The following ERBB4 variants were observed in gnomAD, a reference collection of about 807,000 sequenced individuals.
ERBB4 encodes erb-b2 receptor tyrosine kinase 4, also known as receptor tyrosine-protein kinase erbB-4.
ERBB4 carries 42 observed loss-of-function variants against 158.0 expected under a neutral mutation model. That is an observed-to-expected ratio of 0.27 (90% CI 0.21 to 0.34). ERBB4 has a LOEUF of 0.34. Among genes scored for constraint, ERBB4 ranks in the 10% least tolerant of loss-of-function variants. The pLI, the probability that ERBB4 is intolerant of heterozygous loss-of-function variation, is 1.00. For missense variants in ERBB4, 1,333 were observed against 1,624.1 expected, an observed-to-expected ratio of 0.82 and a Z score of 3.08; for synonymous variants, 583 against 558.7, an observed-to-expected ratio of 1.04 and a Z score of -0.61.
chr2:211,416,679 T>C (rs996020455), intron 25 of ERBB4, among the ~76,000 whole-genome samples: 1 of 152,232 alleles, frequency 6.6e-6, no homozygotes, highest in Admixed American at 6.5e-5. Context: ...GCTTTCCTAA[T>C]TTTTGTCCTT....
Position 212,312,541 on chromosome 2 carries a change from A to G in ERBB4, c.83-187638T>C, listed in dbSNP as rs77947825. On this transcript the variant is annotated intron_variant, in intron 1 of 27. Transcript: ENST00000342788. ...TTGGCAAGTACTCTTTCCAAATTAC[A>G]TAAGAATCAATTGTCAAATTAAAAA... Among the ~76,000 whole-genome samples the G allele has an allele frequency of 4.9e-3, 743 of 151,158 alleles. 4 individuals carry two copies. Among genetic ancestry groups the G allele is most frequent in the African/African-American group, 0.016 (660 of 41,414 alleles).
At chr2:211,437,001 T>C (rs1000004323) in intron 20 of ERBB4, among the ~76,000 whole-genome samples, 13 of 152,294 alleles carry the variant, frequency 8.5e-5, no homozygotes, top group African/African-American at 3.1e-4. Flanking sequence ...TATGGGTTAA[T>C]AAAATAGATT....
intron 1 of ERBB4, among the ~76,000 whole-genome samples, chr2:212,493,919 T>C (rs1414035727): frequency 6.6e-6 from 1 of 151,820 alleles, no homozygotes; most frequent in Non-Finnish European, 1.5e-5. Context: ...ATGAGTATTA[T>C]TAGAATATAC....
intron 3 of ERBB4, among the ~76,000 whole-genome samples, chr2:211,861,058 TATAA>T (rs1317684925): frequency 0.17 from 9,622 of 56,976 alleles, 2,235 homozygotes; most frequent in Non-Finnish European, 0.24. Flanking sequence ...TTTATATATA[TATAA>T]ATATAATATA....
At chr2:212,181,648 T>A (rs1017576548) in intron 1 of ERBB4, among the ~76,000 whole-genome samples, 3 of 151,790 alleles carry the variant, frequency 2.0e-5, no homozygotes, top group Non-Finnish European at 4.4e-5. Context: ...CTGACAATTA[T>A]GTCATATAAA....
chr2:211,814,446 A>G (rs554017480), intron 3 of ERBB4, among the ~76,000 whole-genome samples: 21 of 152,260 alleles, frequency 1.4e-4, no homozygotes, highest in African/African-American at 4.6e-4. Context: ...TTAAATTAAA[A>G]CTCTAATATT....
chr2:212,322,681 G>A (rs1444940033), intron 1 of ERBB4, among the ~76,000 whole-genome samples: 3 of 150,110 alleles, frequency 2.0e-5, no homozygotes, highest in Non-Finnish European at 3.0e-5. Context: ...AAATTAATAT[G>A]CCTAGATTAC....
At chr2:211,946,967 A>C (rs1260776870) in intron 3 of ERBB4, among the ~76,000 whole-genome samples, 1 of 152,128 alleles carries the variant, frequency 6.6e-6, no homozygotes, top group Admixed American at 6.6e-5. Context: ...GCTACTGAAT[A>C]AGAGAAATCA....
chr2:212,315,272 A>T (rs971262290), intron 1 of ERBB4, among the ~76,000 whole-genome samples: 2 of 151,382 alleles, frequency 1.3e-5, no homozygotes, highest in Admixed American at 1.3e-4. Flanking sequence ...CATCATTTTG[A>T]GTATCCGGGC....
chr2:211,922,188 G>A (rs896169829), intron 3 of ERBB4, among the ~76,000 whole-genome samples: 3 of 152,084 alleles, frequency 2.0e-5, no homozygotes, highest in African/African-American at 7.2e-5. Flanking sequence ...TTTGATAACT[G>A]CCCTATCACC....
chr2:212,234,308 G>A (rs531901676), intron 1 of ERBB4, among the ~76,000 whole-genome samples: 2 of 152,238 alleles, frequency 1.3e-5, no homozygotes, highest in Admixed American at 1.3e-4. Flanking sequence ...CAAAGGACAT[G>A]AACTCATCCT....
chr2:212,525,624 A>T (rs1225894160), intron 1 of ERBB4, among the ~76,000 whole-genome samples: 1 of 151,940 alleles, frequency 6.6e-6, no homozygotes, highest in East Asian at 1.9e-4. Context: ...CTCTAGAACC[A>T]CATTTCCACA....
At chr2:212,180,917 T>C (rs1235431085) in intron 1 of ERBB4, among the ~76,000 whole-genome samples, 4 of 151,736 alleles carry the variant, frequency 2.6e-5, no homozygotes, top group Admixed American at 2.0e-4. Flanking sequence ...GTAATTCCAT[T>C]ATACTAATTA....
chr2:211,580,466 G>A (rs1290766754), intron 19 of ERBB4, among the ~76,000 whole-genome samples: 3 of 151,896 alleles, frequency 2.0e-5, no homozygotes, highest in African/African-American at 7.3e-5. Context: ...ACTCCTACAA[G>A]AATGGCCATA....
chr2:212,296,635 C>T (rs993264359), intron 1 of ERBB4, among the ~76,000 whole-genome samples: 3 of 151,968 alleles, frequency 2.0e-5, no homozygotes, highest in Non-Finnish European at 4.4e-5. Context: ...TGCGCCATAA[C>T]TCTGCAGGCT....
chr2:211,884,173 T>C (rs146208250), intron 3 of ERBB4, among the ~76,000 whole-genome samples: 3 of 152,342 alleles, frequency 2.0e-5, no homozygotes, highest in East Asian at 1.9e-4. Flanking sequence ...ACACTCTGGA[T>C]ACATGATTCC....
intron 1 of ERBB4, among the ~76,000 whole-genome samples, chr2:212,452,780 G>A (rs1371092980): frequency 6.6e-6 from 1 of 152,060 alleles, no homozygotes; most frequent in Non-Finnish European, 1.5e-5. Context: ...CCTCTCCACA[G>A]TGCTTATCTA....
intron 1 of ERBB4, among the ~76,000 whole-genome samples, chr2:212,317,607 C>T (rs1219400398): frequency 1.3e-5 from 2 of 151,508 alleles, no homozygotes; most frequent in Non-Finnish European, 1.5e-5. Flanking sequence ...TCACCCTAAA[C>T]ATTTAATTTC....
At position 211,732,941 on chromosome 2, in the gene ERBB4, C is replaced by T. The variant is rs867312976; in HGVS notation, c.623-7747G>A. Among the ~76,000 whole-genome samples, 3 of 152,200 alleles carry T rather than the reference C, an allele frequency of 2.0e-5. No individual in the cohort carries two copies. The South Asian group carries it at 6.2e-4, about 31-fold the overall frequency. ...GCAGTGAGCCAAGATCATGCCATTG[C>T]ACTCCAGCCTGCGTGACTGAGTGAG... On this transcript the variant is annotated intron_variant, in intron 5 of 27. Coordinates refer to ENST00000342788, the MANE Select transcript of ERBB4 (RefSeq NM_005235.3).
Sources: gnomAD v4.1 joint callset for allele counts (sites outside exome capture counted in the v4.1 genomes callset) on GRCh38, gnomAD v4.1.1 for gene constraint, MANE v1.5 for transcripts, NCBI Gene and HGNC (gene_info 2026-07-23, HGNC 2026-07-21) for gene names.